Variants in SLCO2A1 observed in about 807,000 individuals in gnomAD.
The protein encoded by SLCO2A1 is solute carrier organic anion transporter family member 2A1, also known as matrin F/G 1.
A neutral mutation model predicts 71.7 loss-of-function variants in SLCO2A1; 60 were observed. That is an observed-to-expected ratio of 0.84 (90% confidence interval 0.68 to 1.04). The LOEUF (loss-of-function observed/expected upper bound fraction) is 1.04. Ranked by LOEUF, SLCO2A1 falls within the 50% of genes least tolerant of loss-of-function variation. SLCO2A1 has a pLI of 0.00. For synonymous variants in SLCO2A1, 308 were observed against 326.7 expected (o/e 0.94, Z 0.62); for missense variants, 745 against 813.4 (o/e 0.92, Z 1.02).
chr3:133,953,572 A>T, intron 5 of SLCO2A1, 91 bp downstream of exon 5: 3 of 999,910 alleles, frequency 3.0e-6, no homozygotes, highest in Non-Finnish European at 4.7e-6. Context: ...TCTGGAGCTG[A>T]AGCTTCATTC....
intron 6 of SLCO2A1, 29 bp downstream of exon 6, chr3:133,951,179 G>A (rs1395808147): frequency 1.2e-6 from 2 of 1,613,766 alleles, no homozygotes; most frequent in Admixed American, 3.3e-5. Flanking sequence ...AACTCCATCA[G>A]GTAGAGTCAT....
At chr3:133,984,964 G>A (rs1239785155) in intron 1 of SLCO2A1, among the ~76,000 whole-genome samples, 3 of 152,134 alleles carry the variant, frequency 2.0e-5, no homozygotes, top group African/African-American at 4.8e-5. Context: ...ACCACAGAAT[G>A]TTGCAGGCCC....
rs35779717 is a variant in SLCO2A1 at position 133,948,621 on chromosome 3, G to A, written c.1020C>T (p.Ser340=). 211 of 1,614,120 alleles carry A rather than the reference G, an allele frequency of 1.3e-4. 1 individual carries two copies. The highest frequency in any genetic ancestry group is 3.3e-4 in the Middle Eastern group (2 of 6,060). The change falls in exon 8 of 14, where the codon TCC becomes TCT. Residue 340 remains serine, a synonymous_variant. Transcript: ENST00000310926. The stretch of plus-strand genomic sequence containing the variant: ...GGAAGGTGGAGAGGCCAGCAATGAC[G>A]GAGGAGAAGGTGCACTGGGCCAGGA... The part of the protein sequence containing the change: ...LVVLAQCTFS[S]VIAGLSTFLN...
At chr3:133,959,496 GGAA>G (rs1027117447) in intron 3 of SLCO2A1, among the ~76,000 whole-genome samples, 1 of 151,852 alleles carries the variant, frequency 6.6e-6, no homozygotes, top group African/African-American at 2.4e-5. Context: ...AGCCAATGTG[GGAA>G]GAAGAAGGGT....
At chr3:133,958,580 G>C (rs527536574) in intron 3 of SLCO2A1, among the ~76,000 whole-genome samples, 2 of 152,328 alleles carry the variant, frequency 1.3e-5, no homozygotes, top group South Asian at 4.1e-4. Flanking sequence ...AGCTTGGGAA[G>C]TGTTCAAACA....
intron 1 of SLCO2A1, among the ~76,000 whole-genome samples, chr3:134,004,479 C>T (rs1328693656): frequency 1.3e-5 from 2 of 152,300 alleles, no homozygotes; most frequent in Non-Finnish European, 2.9e-5. Context: ...GGACTACAGT[C>T]GTGCCCCACC....
At chr3:133,996,687 G>A (rs938497138) in intron 1 of SLCO2A1, among the ~76,000 whole-genome samples, 12 of 152,176 alleles carry the variant, frequency 7.9e-5, no homozygotes, top group African/African-American at 2.9e-4. Flanking sequence ...CATGACCACA[G>A]GCTGTCTTCC....
rs1299382719 is a variant in SLCO2A1 at position 133,942,738 on chromosome 3, C to A, written c.1492G>T (p.Gly498Ter). ...IYLNCSCVTG[G>*]SASAKTGSCP... ...GATCCTGTCTTTGCTGAAGCGGATC[C>A]CCCGGTCACACAGCTGCAGTTCAAA... is the stretch of plus-strand genomic sequence containing the variant. The change falls in exon 11 of 14, where the codon GGA becomes TGA. Residue 498 changes from glycine (G) to a stop codon, truncating the protein, a stop_gained. Coordinates refer to ENST00000310926, the MANE Select transcript of SLCO2A1 (RefSeq NM_005630.3). LOFTEE classifies it high-confidence loss of function. The A allele has an allele frequency of 6.2e-7, 1 of 1,609,596 alleles. No individual in the cohort carries two copies. The highest frequency in any genetic ancestry group is 8.5e-7 in the Non-Finnish European group (1 of 1,178,506).
intron 1 of SLCO2A1, among the ~76,000 whole-genome samples, chr3:134,027,295 G>A (rs915231853): frequency 6.6e-6 from 1 of 152,158 alleles, no homozygotes; most frequent in Non-Finnish European, 1.5e-5. Context: ...GCCCGGAGCC[G>A]CACCCTAGCG....
At chr3:134,001,857 C>G (rs1352915945) in intron 1 of SLCO2A1, among the ~76,000 whole-genome samples, 1 of 152,160 alleles carries the variant, frequency 6.6e-6, no homozygotes, top group East Asian at 1.9e-4. Context: ...TAGATGACAG[C>G]AACAAGAACT....
rs373043647 is a variant in SLCO2A1, at chr3:133,941,363, C to T, written c.1625+1242G>A. ...AGCAATTTACCATATAATCCTGACA[C>T]CAACCCTTTGAGTTCGATATCATCA... On this transcript the variant is annotated intron_variant, in intron 11 of 13. Transcript: ENST00000310926. Among the ~76,000 whole-genome samples the T allele has an allele frequency of 6.6e-5, 10 of 152,242 alleles. No homozygotes were observed. In the South Asian group the frequency reaches 2.1e-3, roughly 32 times the overall value.
chr3:133,959,396 C>T (rs1350097324), intron 3 of SLCO2A1, among the ~76,000 whole-genome samples: 2 of 124,726 alleles, frequency 1.6e-5, no homozygotes, highest in African/African-American at 1.1e-4. Flanking sequence ...ATGGCTATTA[C>T]CAAAAAAAAA....
chr3:133,986,192 T>G (rs2108061939), intron 1 of SLCO2A1, among the ~76,000 whole-genome samples: 1 of 152,372 alleles, frequency 6.6e-6, no homozygotes, highest in South Asian at 2.1e-4. Context: ...GAAAAAAGAT[T>G]TGCAACCATG....
chr3:134,012,161 A>T (rs569235664), intron 1 of SLCO2A1, among the ~76,000 whole-genome samples: 33 of 152,252 alleles, frequency 2.2e-4, no homozygotes, highest in Admixed American at 1.6e-3. Flanking sequence ...TTCAGAGCCT[A>T]GTTTGGCTTT....
At chr3:133,939,494 A>T (rs1933361142) in intron 11 of SLCO2A1, among the ~76,000 whole-genome samples, 1 of 152,204 alleles carries the variant, frequency 6.6e-6, no homozygotes, top group African/African-American at 2.4e-5. Context: ...CCAGGCCTCT[A>T]CCTGTGGTTT....
At chr3:133,977,897 C>G (rs1934497194) in intron 2 of SLCO2A1, among the ~76,000 whole-genome samples, 1 of 151,974 alleles carries the variant, frequency 6.6e-6, no homozygotes, top group Admixed American at 6.6e-5. Flanking sequence ...CAGGCATCAC[C>G]AGGAAGCTCA....
intron 1 of SLCO2A1, among the ~76,000 whole-genome samples, chr3:134,023,207 T>C (rs7647415): frequency 0.79 from 119,488 of 152,144 alleles, 47,154 homozygotes; most frequent in East Asian, 0.99. Context: ...CCTCCAGAAT[T>C]GTGGGCCATA....
At chr3:134,029,336 G>A (rs1460965155) in intron 1 of SLCO2A1, among the ~76,000 whole-genome samples, 1 of 152,148 alleles carries the variant, frequency 6.6e-6, no homozygotes, top group Non-Finnish European at 1.5e-5. Flanking sequence ...GCTGGAGGCC[G>A]AAAAAGCGTT....
intron 2 of SLCO2A1, among the ~76,000 whole-genome samples, chr3:133,975,759 T>G (rs1012208305): frequency 3.9e-5 from 6 of 152,148 alleles, no homozygotes; most frequent in Non-Finnish European, 7.4e-5. Flanking sequence ...TGACTTTACG[T>G]CCTCAGGACT....
Sources: gnomAD v4.1 joint callset for allele counts (sites outside exome capture counted in the v4.1 genomes callset) on GRCh38, gnomAD v4.1.1 for gene constraint, MANE v1.5 for transcripts, NCBI Gene and HGNC (gene_info 2026-07-23, HGNC 2026-07-21) for gene names.